The following ADARB1 variants were observed in gnomAD, a reference collection of about 807,000 sequenced individuals.
ADARB1 encodes the protein adenosine deaminase RNA specific B1.
ADARB1 carries 10 observed loss-of-function variants against 52.4 expected under a neutral mutation model. That is an observed-to-expected ratio of 0.19 (90% CI 0.12 to 0.32). The LOEUF is 0.32. ADARB1 is among the 10% of genes least tolerant of loss of function. The probability of loss-of-function intolerance (pLI) is 1.00; values close to 1 mark genes in which losing one functional copy is unlikely to be tolerated. For missense variants in ADARB1, 643 were observed against 922.3 expected (o/e 0.70, Z 3.92); for synonymous variants, 349 against 371.1 (o/e 0.94, Z 0.68).
At chr21:45,113,112 T>C (rs535175324) in intron 1 of ADARB1, among the ~76,000 whole-genome samples, 5 of 152,232 alleles carry the variant, frequency 3.3e-5, no homozygotes, top group African/African-American at 1.2e-4. Context: ...GACTAAAATG[T>C]GATAGTGAAT....
chr21:45,141,773 T>A (rs1217415283), intron 2 of ADARB1, among the ~76,000 whole-genome samples: 1 of 147,392 alleles, frequency 6.8e-6, no homozygotes, highest in Non-Finnish European at 1.5e-5. Flanking sequence ...CACCTTAGCA[T>A]CCCTGGGTCG....
At position 45,224,105 on chromosome 21, in the gene ADARB1, CACCTTGT is replaced by C. The variant is rs1220127371; in HGVS notation, c.*1910_*1916del. 1 of 985,304 alleles carries C rather than the reference CACCTTGT, an allele frequency of 1.0e-6. No individual in the cohort carries two copies. Among genetic ancestry groups the C allele is most frequent in the African/African-American group, 1.7e-5 (1 of 57,214 alleles). The allele number at this position is 985,304 out of a possible 1,614,324, so 61.0% of individuals were successfully genotyped here. ...AGGCTCTTGCACACTCTAGAAAAAA[CACCTTGT>C]AAGTCTGTGCATTTTTATTGTCTTG... On this transcript the variant is annotated 3_prime_UTR_variant, in exon 11 of 11. Coordinates refer to ENST00000348831, the MANE Select transcript of ADARB1 (RefSeq NM_001112.4).
chr21:45,179,099 A>G (rs770977697), intron 4 of ADARB1, among the ~76,000 whole-genome samples: 4 of 152,054 alleles, frequency 2.6e-5, no homozygotes, highest in Admixed American at 6.5e-5. Context: ...ACCCTGGCCA[A>G]TTGGAATGCG....
chr21:45,096,462 C>G (rs1445159474), intron 1 of ADARB1, among the ~76,000 whole-genome samples: 1 of 152,250 alleles, frequency 6.6e-6, no homozygotes, highest in East Asian at 1.9e-4. Context: ...GGCCTGTGTC[C>G]TCAACACTGC....
chr21:45,098,810 T>C (rs2086879060), intron 1 of ADARB1, among the ~76,000 whole-genome samples: 1 of 152,186 alleles, frequency 6.6e-6, no homozygotes, highest in Admixed American at 6.5e-5. Flanking sequence ...TTCAATCTTG[T>C]GTATATTTGT....
intron 1 of ADARB1, among the ~76,000 whole-genome samples, chr21:45,079,376 A>G (rs2086067203): frequency 6.6e-6 from 1 of 152,272 alleles, no homozygotes; most frequent in African/African-American, 2.4e-5. Flanking sequence ...AAAATAAAGT[A>G]ATTCTGAAAT....
chr21:45,110,378 G>C (rs1400522535), intron 1 of ADARB1, among the ~76,000 whole-genome samples: 1 of 152,146 alleles, frequency 6.6e-6, no homozygotes, highest in African/African-American at 2.4e-5. Context: ...CCAAGTAATG[G>C]CTGTGTTTTC....
intron 8 of ADARB1, among the ~76,000 whole-genome samples, chr21:45,202,851 C>G (rs566371272): frequency 6.6e-6 from 1 of 151,004 alleles, no homozygotes; most frequent in African/African-American, 2.4e-5. Context: ...TGAGCGTCTT[C>G]CCCTGCAGCC....
intron 1 of ADARB1, among the ~76,000 whole-genome samples, chr21:45,085,722 G>A (rs1568993443): frequency 6.6e-6 from 1 of 152,202 alleles, no homozygotes; most frequent in Non-Finnish European, 1.5e-5. Context: ...AGGTGAATGA[G>A]TGACATATTT....
intron 8 of ADARB1, among the ~76,000 whole-genome samples, chr21:45,203,270 C>T (rs972278089): frequency 6.6e-6 from 1 of 152,202 alleles, no homozygotes; most frequent in African/African-American, 2.4e-5. Flanking sequence ...ACATGCGTTC[C>T]TCCCTCAGCC....
At chr21:45,111,037 T>C (rs1044547947) in intron 1 of ADARB1, among the ~76,000 whole-genome samples, 20 of 152,102 alleles carry the variant, frequency 1.3e-4, no homozygotes, top group Admixed American at 1.3e-4. Context: ...AGGGTCTACC[T>C]GTGTTGTTGA....
At chr21:45,087,566 G>A (rs559252288) in intron 1 of ADARB1, among the ~76,000 whole-genome samples, 1 of 152,220 alleles carries the variant, frequency 6.6e-6, no homozygotes, top group African/African-American at 2.4e-5. Flanking sequence ...CAGGTCATAG[G>A]TGGGGTGCAG....
chr21:45,205,056 C>T (rs1412748298), intron 9 of ADARB1, among the ~76,000 whole-genome samples: 2 of 152,110 alleles, frequency 1.3e-5, no homozygotes, highest in Non-Finnish European at 2.9e-5. Context: ...CCCAGAAGTT[C>T]AAGACCAGCC....
At chr21:45,136,999 A>G (rs758688406) in intron 2 of ADARB1, 1 of 152,264 alleles carries the variant, frequency 6.6e-6, no homozygotes, top group Admixed American at 6.5e-5. Context: ...ACTTGAATAG[A>G]TAAGAATTTA....
In ADARB1 at chr21:45,223,837, G is replaced by A. The variant is rs1321386116; in HGVS notation, c.*1640G>A. The A allele has an allele frequency of 2.7e-5, 27 of 985,290 alleles. No homozygotes were observed. The highest frequency in any genetic ancestry group is 3.3e-5 in the Non-Finnish European group (27 of 829,960). The allele number at this position is 985,290 out of a possible 1,614,324, so 61.0% of individuals were successfully genotyped here. A position where few individuals can be genotyped will look rare whatever the true frequency, so the allele number is the denominator to read the frequency against. On this transcript the variant is annotated 3_prime_UTR_variant, in exon 11 of 11. Coordinates refer to ENST00000348831, the MANE Select transcript of ADARB1 (RefSeq NM_001112.4). ...GTGTGTCCACACAGATCTCGTCGCAGCACGGCAGGAAGGGGTGCTGCTTAG... is the reference window on the plus strand; with the variant it reads ...GTGTGTCCACACAGATCTCGTCGCAACACGGCAGGAAGGGGTGCTGCTTAG...
intron 1 of ADARB1, among the ~76,000 whole-genome samples, chr21:45,106,456 T>C (rs2087262180): frequency 6.6e-6 from 1 of 152,178 alleles, no homozygotes; most frequent in Admixed American, 6.5e-5. Flanking sequence ...AATGCTGGGA[T>C]GCCTGCACTC....
chr21:45,203,735 G>A (rs2092610269), intron 8 of ADARB1, among the ~76,000 whole-genome samples: 1 of 152,210 alleles, frequency 6.6e-6, no homozygotes, highest in South Asian at 2.1e-4. Flanking sequence ...ATTGTCACTT[G>A]CAGAGAACAG....
chr21:45,123,298 A>G (rs147459424), intron 1 of ADARB1, among the ~76,000 whole-genome samples: 1 of 121,046 alleles, frequency 8.3e-6, no homozygotes, highest in South Asian at 2.6e-4. Context: ...TGTGTGTATA[A>G]TTAATTATAA....
intron 7 of ADARB1, 33 bp downstream of exon 7, chr21:45,183,543 C>G: frequency 6.2e-7 from 1 of 1,607,378 alleles, no homozygotes; most frequent in East Asian, 2.2e-5. Context: ...AAGCCAGTTT[C>G]TCAAGAAAAT....
Sources: allele counts gnomAD v4.1 joint callset (sites outside exome capture counted in the v4.1 genomes callset), GRCh38; gene constraint gnomAD v4.1.1; transcripts MANE v1.5; gene names NCBI Gene and HGNC (gene_info 2026-07-23, HGNC 2026-07-21).